The following NAA30 variants were observed in gnomAD, a reference collection of about 807,000 sequenced individuals.
NAA30 encodes the protein N-alpha-acetyltransferase 30, NatC catalytic subunit, also known as N-alpha-acetyltransferase 30.
A neutral mutation model predicts 31.4 loss-of-function variants in NAA30; 5 were observed. The observed-to-expected ratio is 0.16, with a 90% CI of 0.08 to 0.33. The LOEUF (loss-of-function observed/expected upper bound fraction) is 0.33. Ranked by LOEUF, NAA30 falls within the 10% of genes least tolerant of loss-of-function variation. NAA30 has a pLI of 1.00. For synonymous variants in NAA30, 222 were observed against 207.1 expected (o/e 1.07, Z -0.62); for missense variants, 428 against 490.8 (o/e 0.87, Z 1.21).
At chr14:57,407,373 C>T (rs1192212495) in intron 4 of NAA30, among the ~76,000 whole-genome samples, 1 of 152,024 alleles carries the variant, frequency 6.6e-6, no homozygotes, top group East Asian at 1.9e-4. Flanking sequence ...TTGGGCTTAC[C>T]AGCTAGGAGA....
intron 4 of NAA30, among the ~76,000 whole-genome samples, chr14:57,408,274 T>C (rs1339886627): frequency 6.6e-6 from 1 of 152,130 alleles, no homozygotes; most frequent in Non-Finnish European, 1.5e-5. Flanking sequence ...ACTGTGTTGA[T>C]AGTTCTCAAT....
chr14:57,396,361 C>G (rs532254647), intron 2 of NAA30, among the ~76,000 whole-genome samples: 1 of 151,978 alleles, frequency 6.6e-6, no homozygotes, highest in South Asian at 2.1e-4. Context: ...AATGAATAGA[C>G]TTTTTCTTTA....
rs1292248877 is a variant in NAA30 at position 57,415,472 on chromosome 14, G to A, written c.*5956G>A. ...GGCATTTTAAGAAGTTTTATTTCCT[G>A]GTACTTAAATATTGTGTAGAGGGAA... On this transcript the variant is annotated 3_prime_UTR_variant, in exon 5 of 5. Coordinates refer to ENST00000556492, the MANE Select transcript of NAA30 (RefSeq NM_001011713.3). 6.6e-6 allele frequency: 1 copy of A among 152,012 alleles called. No homozygotes were observed. The highest frequency in any genetic ancestry group is 2.4e-5 in the African/African-American group (1 of 41,362). The allele number at this position is 152,012 out of a possible 1,614,324, so 9.4% of individuals were successfully genotyped here.
intron 4 of NAA30, among the ~76,000 whole-genome samples, chr14:57,402,367 G>A (rs1016013006): frequency 7.9e-5 from 12 of 152,314 alleles, no homozygotes; most frequent in East Asian, 1.9e-4. Context: ...GTTTGTTGCT[G>A]TATTCTTAGT....
chr14:57,399,757 C>G, intron 3 of NAA30, 71 bp from the exon 4 acceptor site: 1 of 845,534 alleles, frequency 1.2e-6, no homozygotes, highest in African/African-American at 1.7e-5. Context: ...TCTGTGCTTA[C>G]GAATATTATA....
chr14:57,410,426 G>T lies in NAA30; in HGVS notation c.*910G>T, dbSNP rs972389609. ...GTAAGGGAAGTTTTGGAAAAGAATAGAAAATTAGTGTAAGTTGATATGATT... is the reference window on the plus strand; with the variant it reads ...GTAAGGGAAGTTTTGGAAAAGAATATAAAATTAGTGTAAGTTGATATGATT... On this transcript the variant is annotated 3_prime_UTR_variant, in exon 5 of 5. Transcript: ENST00000556492. The T allele has an allele frequency of 6.6e-6, 1 of 152,552 alleles. No individual in the cohort carries two copies. Among genetic ancestry groups the T allele is most frequent in the Non-Finnish European group, 1.5e-5 (1 of 67,976 alleles). The allele number at this position is 152,552 out of a possible 1,614,324, so 9.4% of individuals were successfully genotyped here.
intron 4 of NAA30, among the ~76,000 whole-genome samples, chr14:57,402,040 G>A (rs2066479689): frequency 6.6e-6 from 1 of 152,162 alleles, no homozygotes; most frequent in Non-Finnish European, 1.5e-5. Context: ...CTCTGTCTCT[G>A]GATTAGATAA....
Position 57,391,195 on chromosome 14 carries a change from G to GAGCAGC in NAA30, c.245_250dup (p.Gln82_Gln83dup). On this transcript the variant is annotated inframe_insertion, in exon 2 of 5. Transcript: ENST00000556492. The surrounding 1 kb of genome is among the most constrained non-coding windows in gnomAD (Gnocchi z 4.1). ...CCTCCGCTGCCCTCAGCCGCCGCAG[G>GAGCAGC]AGCAGCAGCAGCTCAACGGATTGAT... 6.2e-7 allele frequency: 1 copy of GAGCAGC among 1,611,460 alleles called. No homozygotes were observed.
At position 57,390,706 on chromosome 14, in the gene NAA30, G is replaced by A. The variant is rs1427114604; in HGVS notation, c.-2+1G>A. 2 of 402,472 alleles carry A rather than the reference G, an allele frequency of 5.0e-6. No individual in the cohort carries two copies. The highest frequency in any genetic ancestry group is 2.1e-5 in the African/African-American group (1 of 48,094). The allele number at this position is 402,472 out of a possible 1,614,324, so 24.9% of individuals were successfully genotyped here. ...CAGCGGCGGCGGGGACCCGTGCGGG[G>A]TGAGCCGTGAGGAGGGGCCGCGAGT... On this transcript the variant is annotated splice_donor_variant, in intron 1 of 4. Coordinates refer to ENST00000556492, the MANE Select transcript of NAA30 (RefSeq NM_001011713.3). LOFTEE classifies it low-confidence loss of function (5UTR_SPLICE).
Position 57,391,592 on chromosome 14 carries a change from C to T in NAA30, c.635C>T (p.Thr212Met), listed in dbSNP as rs1472712553. Residue 212 changes from threonine to methionine, a missense_variant, in exon 2 of 5, where the codon ACG becomes ATG. Physicochemically the swap from Thr to Met is moderately conservative, Grantham distance 81. Around this residue, in one of 2 missense-constraint regions of NAA30, gnomAD observed 349 missense variants for 310.4 expected, o/e 1.12. Transcript: ENST00000556492. This position sits in a 1 kb window ranked among gnomAD's most constrained non-coding sequence, Gnocchi z 4.1. ...GAGGTTGAGCCTGGGGAGGATCGGA[C>T]GATACGATATGTCCGATATGAATCC... ...GREVEPGEDR[T>M]IRYVRYESEL... 1.2e-6 allele frequency: 2 copies of T among 1,614,192 alleles called. No individual in the cohort carries two copies. The highest frequency in any genetic ancestry group is 2.2e-5 in the East Asian group (1 of 44,866).
intron 4 of NAA30, among the ~76,000 whole-genome samples, chr14:57,401,019 A>G (rs1163883484): frequency 2.0e-5 from 3 of 152,048 alleles, no homozygotes; most frequent in Middle Eastern, 3.4e-3. Flanking sequence ...TACAGGCATG[A>G]GCCGTTGCTC....
intron 3 of NAA30, among the ~76,000 whole-genome samples, chr14:57,399,481 T>C (rs1257013006): frequency 1.3e-5 from 2 of 152,188 alleles, no homozygotes; most frequent in Non-Finnish European, 2.9e-5. Flanking sequence ...CACGGGGAGT[T>C]CCTGCGTTGT....
intron 2 of NAA30, among the ~76,000 whole-genome samples, chr14:57,396,447 C>T (rs2066450848): frequency 2.0e-5 from 3 of 151,826 alleles, no homozygotes; most frequent in Non-Finnish European, 4.4e-5. Context: ...TTTTAAGCAC[C>T]TCATATGTAA....
In NAA30 at chr14:57,391,398, A is replaced by G; in HGVS notation, c.441A>G (p.Arg147=). ...CTCACTCCCTCTCTAGTAATGCAAG[A>G]ACTGCGGTCCCCAGCCCGGTGGAGG... ...RPPHSLSSNA[R]TAVPSPVEAA... The change falls in exon 2 of 5, where the codon AGA becomes AGG. Residue 147 remains arginine, a synonymous_variant. Coordinates refer to ENST00000556492, the MANE Select transcript of NAA30 (RefSeq NM_001011713.3). The surrounding 1 kb of genome is among the most constrained non-coding windows in gnomAD (Gnocchi z 4.1). The G allele has an allele frequency of 6.2e-7, 1 of 1,608,656 alleles. No individual in the cohort carries two copies. Among genetic ancestry groups the G allele is most frequent in the Non-Finnish European group, 8.5e-7 (1 of 1,177,764 alleles).
rs533748317 is a variant in NAA30 at position 57,394,479 on chromosome 14, G to A, written c.772-2273G>A. Among the ~76,000 whole-genome samples, 3 of 151,994 alleles carry A rather than the reference G, an allele frequency of 2.0e-5. No homozygotes were observed. In the South Asian group the frequency reaches 6.2e-4, roughly 32 times the overall value. ...AGCGTGAATTCCAAATGTATATGCA[G>A]AGCTTTTATTTGGAAAAATTGACAA... On this transcript the variant is annotated intron_variant, in intron 2 of 4. Coordinates refer to ENST00000556492, the MANE Select transcript of NAA30 (RefSeq NM_001011713.3).
At position 57,414,076 on chromosome 14, in the gene NAA30, TAAC is replaced by T. The variant is rs962882709; in HGVS notation, c.*4562_*4564del. ...CAGCAGAGCTTTAGATAAGCAGTAA[TAAC>T]AGGAAGGGAGTGTTTGTATAGGTTG... is the stretch of plus-strand genomic sequence containing the variant. On this transcript the variant is annotated 3_prime_UTR_variant, in exon 5 of 5. Coordinates refer to ENST00000556492, the MANE Select transcript of NAA30 (RefSeq NM_001011713.3). The T allele has an allele frequency of 2.6e-5, 4 of 152,124 alleles. No individual in the cohort carries two copies. Among genetic ancestry groups the T allele is most frequent in the Admixed American group, 6.5e-5 (1 of 15,270 alleles). The allele number at this position is 152,124 out of a possible 1,614,324, so 9.4% of individuals were successfully genotyped here. A position where few individuals can be genotyped will look rare whatever the true frequency, so the allele number is the denominator to read the frequency against.
At chr14:57,396,707 A>T (rs2066452125) in intron 2 of NAA30, 45 bp from the exon 3 acceptor site, 2 of 1,609,938 alleles carry the variant, frequency 1.2e-6, no homozygotes, top group Admixed American at 3.3e-5. Flanking sequence ...ATTGTGCAGT[A>T]CCTGATGGCA....
At chr14:57,395,251 G>T (rs147100856) in intron 2 of NAA30, among the ~76,000 whole-genome samples, 1 of 152,028 alleles carries the variant, frequency 6.6e-6, no homozygotes, top group African/African-American at 2.4e-5. Flanking sequence ...GGATTTTTCC[G>T]ACCTAGTTTA....
intron 4 of NAA30, among the ~76,000 whole-genome samples, chr14:57,405,495 G>T (rs1048199990): frequency 7.9e-5 from 12 of 151,998 alleles, no homozygotes; most frequent in African/African-American, 2.9e-4. Context: ...GCAAGGTAAA[G>T]AACAGAATAC....
Sources: gnomAD v4.1 joint callset for allele counts (sites outside exome capture counted in the v4.1 genomes callset) on GRCh38, gnomAD v4.1.1 for gene constraint, gnomAD v4.1.1 regional missense constraint, Gnocchi (gnomAD v3.1) non-coding constraint, MANE v1.5 for transcripts, NCBI Gene and HGNC (gene_info 2026-07-23, HGNC 2026-07-21) for gene names.